The following ATE1 variants were observed in gnomAD, a reference collection of about 807,000 sequenced individuals.
ATE1 encodes arginyl-tRNA--protein transferase 1.
Under a neutral mutation model 70.5 loss-of-function variants are expected in ATE1, and 36 were observed. The observed-to-expected ratio is 0.51, with a 90% CI of 0.39 to 0.67. The LOEUF (loss-of-function observed/expected upper bound fraction) is 0.67. Ranked by LOEUF, ATE1 falls within the 30% of genes least tolerant of loss-of-function variation. ATE1 has a pLI of 0.00. For synonymous variants in ATE1, 232 were observed against 219.3 expected, an observed-to-expected ratio of 1.06 and a Z score of -0.51; for missense variants, 593 against 629.5, an observed-to-expected ratio of 0.94 and a Z score of 0.62.
chr10:121,925,510 T>G (rs983232987), intron 1 of ATE1, among the ~76,000 whole-genome samples: 1 of 151,410 alleles, frequency 6.6e-6, no homozygotes, highest in African/African-American at 2.4e-5. Flanking sequence ...TATGATGTTG[T>G]CAACATGATG....
intron 8 of ATE1, among the ~76,000 whole-genome samples, chr10:121,841,499 T>C (rs1433637349): frequency 6.6e-6 from 1 of 152,170 alleles, no homozygotes; most frequent in Non-Finnish European, 1.5e-5. Flanking sequence ...TTACTTGTTT[T>C]AATACTTGAC....
rs148585749 is a variant in ATE1 at position 121,923,210 on chromosome 10, C to T, written c.171-799G>A. Reference sequence around the variant, plus strand: ...TTCTGGCCAGGCATGGTGGTTCATACCTATAATCCCAACACTTTGAAAAGC... The same window carrying T: ...TTCTGGCCAGGCATGGTGGTTCATATCTATAATCCCAACACTTTGAAAAGC... On this transcript the variant is annotated intron_variant, in intron 2 of 11. Transcript: ENST00000224652. 2.1e-3 allele frequency among the ~76,000 whole-genome samples: 316 copies of T among 152,322 alleles called. 2 individuals are homozygous for T. The highest frequency in any genetic ancestry group is 7.3e-3 in the African/African-American group (302 of 41,578).
chr10:121,817,529 ACT>A (rs935756014), intron 10 of ATE1, among the ~76,000 whole-genome samples: 3 of 102,106 alleles, frequency 2.9e-5, no homozygotes, highest in African/African-American at 7.7e-5. Flanking sequence ...ACAGAGCGAG[ACT>A]CTGTCTCAAA....
Position 121,743,755 on chromosome 10 carries a change from C to T in ATE1, c.1482G>A (p.Glu494=), listed in dbSNP as rs1010933453. 6.2e-7 allele frequency: 1 copy of T among 1,614,106 alleles called. No individual in the cohort carries two copies. The highest frequency in any genetic ancestry group is 2.2e-5 in the East Asian group (1 of 44,868). The change falls in exon 12 of 12, where the codon GAG becomes GAA. Residue 494 remains glutamate, a synonymous_variant. Transcript: ENST00000224652. ...VYKKQQKDPS[E]EAAVLQYASL... ...TGGCGTACTGCAGAACAGCAGCCTCCTCACTTGGGTCTTTCTGCTGTTTCT... is the reference window on the plus strand; with the variant it reads ...TGGCGTACTGCAGAACAGCAGCCTCTTCACTTGGGTCTTTCTGCTGTTTCT...
At chr10:121,908,188 A>G (rs1951277516) in intron 5 of ATE1, among the ~76,000 whole-genome samples, 1 of 152,186 alleles carries the variant, frequency 6.6e-6, no homozygotes, top group Non-Finnish European at 1.5e-5. Flanking sequence ...GAAAAATGAT[A>G]AATAAAAAGA....
chr10:121,756,118 G>A lies in ATE1; in HGVS notation c.1379-12260C>T, dbSNP rs137880219. Among the ~76,000 whole-genome samples the A allele has an allele frequency of 5.5e-3, 830 of 152,198 alleles. 4 individuals are homozygous for A. The highest frequency in any genetic ancestry group is 0.019 in the African/African-American group (778 of 41,540). ...AGGTAAATATAGCCGTTCCAAATGGGAGAAATTGGCCAAAACAAAAGGGCT... is the reference window on the plus strand; with the variant it reads ...AGGTAAATATAGCCGTTCCAAATGGAAGAAATTGGCCAAAACAAAAGGGCT... On this transcript the variant is annotated intron_variant, in intron 11 of 11. Transcript: ENST00000224652.
chr10:121,905,295 C>A (rs61874414), intron 5 of ATE1, among the ~76,000 whole-genome samples: 10,979 of 152,060 alleles, frequency 0.072, 524 homozygotes, highest in Non-Finnish European at 0.11. Flanking sequence ...AATGTTTTAC[C>A]TATATAAACA....
intron 7 of ATE1, among the ~76,000 whole-genome samples, chr10:121,882,972 C>T (rs1259352415): frequency 2.6e-5 from 4 of 152,084 alleles, no homozygotes; most frequent in Non-Finnish European, 5.9e-5. Context: ...AAATCAAATA[C>T]AAAACCCCAG....
At chr10:121,906,576 A>G (rs577009417) in intron 5 of ATE1, among the ~76,000 whole-genome samples, 1 of 120,868 alleles carries the variant, frequency 8.3e-6, no homozygotes, top group Non-Finnish European at 2.0e-5. Flanking sequence ...TTGCTTTTGC[A>G]GGTTCCAAAA....
intron 10 of ATE1, among the ~76,000 whole-genome samples, chr10:121,821,810 G>A (rs1947810292): frequency 1.3e-5 from 2 of 152,212 alleles, no homozygotes; most frequent in East Asian, 3.8e-4. Context: ...GAACCTGGGA[G>A]GCAGAGGATG....
At chr10:121,869,899 C>T in intron 8 of ATE1, 107 bp downstream of exon 8, 1 of 1,047,422 alleles carries the variant, frequency 9.5e-7, no homozygotes. Context: ...TATATGTGTC[C>T]CACCAAAATG....
intron 11 of ATE1, among the ~76,000 whole-genome samples, chr10:121,762,939 A>G (rs1264280823): frequency 6.6e-6 from 1 of 152,194 alleles, no homozygotes; most frequent in East Asian, 1.9e-4. Flanking sequence ...TGATTTCATT[A>G]TACATTAGTT....
chr10:121,800,001 T>C (rs909238589), intron 10 of ATE1, among the ~76,000 whole-genome samples: 1 of 152,206 alleles, frequency 6.6e-6, no homozygotes, highest in African/African-American at 2.4e-5. Context: ...ACTCTTTGAT[T>C]ACGATAGTAA....
intron 8 of ATE1, among the ~76,000 whole-genome samples, chr10:121,859,927 T>C (rs1949409990): frequency 6.6e-6 from 1 of 152,110 alleles, no homozygotes; most frequent in African/African-American, 2.4e-5. Flanking sequence ...GGCGACACAG[T>C]GAGGCTCCAT....
intron 10 of ATE1, among the ~76,000 whole-genome samples, chr10:121,810,808 T>C (rs1947290520): frequency 6.6e-6 from 1 of 152,042 alleles, no homozygotes. Flanking sequence ...ATTCAAGCAA[T>C]TCTCCTGTCT....
Position 121,923,357 on chromosome 10 carries a change from G to A in ATE1, c.170+909C>T, listed in dbSNP as rs145691815. Among the ~76,000 whole-genome samples the A allele has an allele frequency of 2.7e-3, 406 of 152,296 alleles. 1 individual carries two copies. The highest frequency in any genetic ancestry group is 9.4e-3 in the African/African-American group (389 of 41,564). On this transcript the variant is annotated intron_variant, in intron 2 of 11. Coordinates refer to ENST00000224652, the MANE Select transcript of ATE1 (RefSeq NM_001001976.3). ...ATGCACACCTGTAGTCCTAGCCACT[G>A]CAGAGGCTGAGGCAAGAGGATCACT...
intron 10 of ATE1, among the ~76,000 whole-genome samples, chr10:121,833,572 T>C (rs1227501349): frequency 4.6e-5 from 7 of 151,486 alleles, no homozygotes; most frequent in Admixed American, 1.3e-4. Flanking sequence ...AAGAGTCCAG[T>C]AGAGATTACT....
intron 9 of ATE1, among the ~76,000 whole-genome samples, chr10:121,838,953 T>C (rs569792403): frequency 7.2e-5 from 11 of 152,276 alleles, no homozygotes; most frequent in Admixed American, 5.2e-4. Context: ...CTTAAGAAAT[T>C]GAGGGTAAAA....
intron 8 of ATE1, among the ~76,000 whole-genome samples, chr10:121,856,616 G>A (rs1949259609): frequency 6.6e-6 from 1 of 152,174 alleles, no homozygotes; most frequent in Non-Finnish European, 1.5e-5. Context: ...ATCACAATAA[G>A]GCAAATCACA....
Sources: allele counts gnomAD v4.1 joint callset (sites outside exome capture counted in the v4.1 genomes callset), GRCh38; gene constraint gnomAD v4.1.1; transcripts MANE v1.5; gene names NCBI Gene and HGNC (gene_info 2026-07-23, HGNC 2026-07-21).